The following ARB2A variants were observed in gnomAD, a reference collection of about 807,000 sequenced individuals.
The protein encoded by ARB2A is cotranscriptional regulator ARB2A.
chr5:93,936,492 A>G, the ARB2A span, among the ~76,000 whole-genome samples: 2 of 152,186 alleles, frequency 1.3e-5, no homozygotes, highest in African/African-American at 4.8e-5. Flanking sequence ...TCAACCAGTA[A>G]ATTTTATTCT....
At chr5:93,630,185 GTTACTAATAT>G in the ARB2A span, among the ~76,000 whole-genome samples, 2 of 152,056 alleles carry the variant, frequency 1.3e-5, no homozygotes, top group African/African-American at 4.8e-5. Context: ...GAAATATACA[GTTACTAATAT>G]TTGCACAAAG....
the ARB2A span, among the ~76,000 whole-genome samples, chr5:93,954,609 C>A: frequency 2.0e-5 from 3 of 151,520 alleles, no homozygotes; most frequent in African/African-American, 7.3e-5. Flanking sequence ...AGGGGTGGCA[C>A]AAGGACTCTC....
the ARB2A span, among the ~76,000 whole-genome samples, chr5:93,871,506 A>C: frequency 6.6e-6 from 1 of 152,194 alleles, no homozygotes; most frequent in African/African-American, 2.4e-5. Flanking sequence ...AAGCTATTAA[A>C]ATAGACCTTT....
the ARB2A span, among the ~76,000 whole-genome samples, chr5:93,948,402 G>C: frequency 6.6e-6 from 1 of 152,120 alleles, no homozygotes; most frequent in African/African-American, 2.4e-5. Context: ...GTAGATTCTG[G>C]ATATTAGCCC....
At chr5:93,871,642 A>G in the ARB2A span, among the ~76,000 whole-genome samples, 1 of 152,196 alleles carries the variant, frequency 6.6e-6, no homozygotes, top group African/African-American at 2.4e-5. Context: ...TAAGCCAGAC[A>G]TTAGATTTTC....
chr5:93,809,660 G>T, the ARB2A span, among the ~76,000 whole-genome samples: 2 of 151,950 alleles, frequency 1.3e-5, no homozygotes, highest in African/African-American at 4.8e-5. Flanking sequence ...TCAAGTATTA[G>T]GTATCAGATG....
chr5:93,822,641 T>A, the ARB2A span, among the ~76,000 whole-genome samples: 1 of 151,962 alleles, frequency 6.6e-6, no homozygotes, highest in Non-Finnish European at 1.5e-5. Context: ...GATATATATA[T>A]CTATATAGCT....
chr5:93,865,507 G>A, the ARB2A span: 1 of 985,240 alleles, frequency 1.0e-6, no homozygotes, highest in Non-Finnish European at 1.2e-6. Context: ...ACCTATAACT[G>A]GCATTGTACT....
chr5:93,754,016 C>T, the ARB2A span, among the ~76,000 whole-genome samples: 1 of 152,142 alleles, frequency 6.6e-6, no homozygotes, highest in Non-Finnish European at 1.5e-5. Flanking sequence ...GTTCATCTAC[C>T]GCTGGATATA....
At chr5:93,964,480 T>C in the ARB2A span, 3 of 1,580,526 alleles carry the variant, frequency 1.9e-6, no homozygotes, top group Non-Finnish European at 2.6e-6. Flanking sequence ...TTTTTTCAAA[T>C]TACAATCCTT....
the ARB2A span, among the ~76,000 whole-genome samples, chr5:93,883,924 T>TACACACACACAC: frequency 1.4e-4 from 19 of 133,944 alleles, no homozygotes; most frequent in African/African-American, 3.7e-4. Context: ...CACATACACA[T>TACACACACACAC]ACACACACAC....
At chr5:94,055,353 A>T in the ARB2A span, among the ~76,000 whole-genome samples, 1 of 152,170 alleles carries the variant, frequency 6.6e-6, no homozygotes, top group African/African-American at 2.4e-5. Context: ...TCCGTCTCTC[A>T]CAGAAATATA....
chr5:93,880,642 A>G, the ARB2A span, among the ~76,000 whole-genome samples: 1 of 151,876 alleles, frequency 6.6e-6, no homozygotes, highest in African/African-American at 2.4e-5. Flanking sequence ...TCTAGCATCC[A>G]TAATAAGGGC....
the ARB2A span, among the ~76,000 whole-genome samples, chr5:93,928,583 T>C: frequency 6.6e-6 from 1 of 152,176 alleles, no homozygotes; most frequent in Admixed American, 6.5e-5. Flanking sequence ...AAGAGATCTA[T>C]ATGAACACAT....
At chr5:94,099,640 A>AG in the ARB2A span, among the ~76,000 whole-genome samples, 4 of 150,588 alleles carry the variant, frequency 2.7e-5, no homozygotes, top group East Asian at 7.7e-4. Context: ...AAAAAAAAAA[A>AG]AAAAAAAAAA....
the ARB2A span, among the ~76,000 whole-genome samples, chr5:93,697,952 A>G: frequency 3.3e-5 from 5 of 152,260 alleles, no homozygotes; most frequent in East Asian, 9.7e-4. Context: ...TAACACTAGA[A>G]TCTTACATAA....
At chr5:93,936,921 C>T in the ARB2A span, among the ~76,000 whole-genome samples, 1 of 149,172 alleles carries the variant, frequency 6.7e-6, no homozygotes, top group African/African-American at 2.4e-5. Context: ...TCAACTGATA[C>T]ATTTTTTAAA....
At chr5:93,776,057 G>T in the ARB2A span, 1 of 947,448 alleles carries the variant, frequency 1.1e-6, no homozygotes, top group Non-Finnish European at 1.6e-6. Context: ...ACAACTCAAA[G>T]ATAAAAACAA....
chr5:93,752,719 G>T, the ARB2A span, among the ~76,000 whole-genome samples: 4 of 151,904 alleles, frequency 2.6e-5, no homozygotes, highest in African/African-American at 4.8e-5. Context: ...TATAAATGAA[G>T]ATTTTATATT....
Sources: allele counts gnomAD v4.1 joint callset (sites outside exome capture counted in the v4.1 genomes callset), GRCh38; gene constraint gnomAD v4.1.1; transcripts MANE v1.5; gene names NCBI Gene and HGNC (gene_info 2026-07-23, HGNC 2026-07-21).